The following CPEB3 variants were observed in gnomAD, a reference collection of about 807,000 sequenced individuals.
The protein encoded by CPEB3 is cytoplasmic polyadenylation element binding protein 3, also known as cytoplasmic polyadenylation element-binding protein 3.
In CPEB3, 20 loss-of-function variants were observed where a neutral mutation model predicts 67.2. The ratio of observed to expected loss-of-function variants is 0.30; its 90% CI spans 0.21 to 0.43. The LOEUF (loss-of-function observed/expected upper bound fraction) is 0.43. Ranked by LOEUF, CPEB3 falls within the 20% of genes least tolerant of loss-of-function variation. The pLI is 1.00. For synonymous variants in CPEB3, 376 were observed against 393.1 expected (o/e 0.96, Z 0.51); for missense variants, 746 against 968.6 (o/e 0.77, Z 3.05).
chr10:92,146,757 C>G (rs1353811352), intron 4 of CPEB3, among the ~76,000 whole-genome samples: 1 of 152,170 alleles, frequency 6.6e-6, no homozygotes, highest in Non-Finnish European at 1.5e-5. Context: ...TCATCTCATG[C>G]CACCCATCTT....
chr10:92,064,978 A>G (rs1222457064), intron 9 of CPEB3, among the ~76,000 whole-genome samples: 3 of 152,202 alleles, frequency 2.0e-5, no homozygotes, highest in Non-Finnish European at 2.9e-5. Flanking sequence ...GAGAAATCAG[A>G]CCATACAAAG....
intron 8 of CPEB3, among the ~76,000 whole-genome samples, chr10:92,089,038 A>G (rs1361155389): frequency 6.6e-6 from 1 of 152,196 alleles, no homozygotes; most frequent in Non-Finnish European, 1.5e-5. Context: ...TGGGATATTC[A>G]GTTTTGCATG....
intron 6 of CPEB3, among the ~76,000 whole-genome samples, chr10:92,138,725 G>A (rs915404172): frequency 5.3e-5 from 8 of 152,104 alleles, no homozygotes; most frequent in African/African-American, 1.7e-4. Flanking sequence ...GTGGAGAAAA[G>A]GGAACACTTG....
intron 4 of CPEB3, among the ~76,000 whole-genome samples, chr10:92,145,797 T>C (rs1335511587): frequency 6.6e-6 from 1 of 152,212 alleles, no homozygotes; most frequent in African/African-American, 2.4e-5. Flanking sequence ...AAGTAATCTC[T>C]ATCCACAGAT....
At chr10:92,158,430 A>G (rs1847308816) in intron 4 of CPEB3, among the ~76,000 whole-genome samples, 1 of 152,200 alleles carries the variant, frequency 6.6e-6, no homozygotes, top group Admixed American at 6.5e-5. Context: ...TTACCACCAG[A>G]TAAGAAAAAA....
intron 7 of CPEB3, among the ~76,000 whole-genome samples, chr10:92,110,871 C>A (rs1844702604): frequency 6.6e-6 from 1 of 152,232 alleles, no homozygotes; most frequent in Admixed American, 6.5e-5. Flanking sequence ...TTTGTTTACA[C>A]ACAGTCCCAA....
intron 2 of CPEB3, among the ~76,000 whole-genome samples, chr10:92,207,804 A>T (rs1479850066): frequency 6.6e-6 from 1 of 152,038 alleles, no homozygotes; most frequent in Non-Finnish European, 1.5e-5. Context: ...CAGGAGGCAG[A>T]GGTTGAAGTC....
At chr10:92,114,241 TAA>T (rs1158890874) in intron 6 of CPEB3, among the ~76,000 whole-genome samples, 1 of 152,234 alleles carries the variant, frequency 6.6e-6, no homozygotes, top group Non-Finnish European at 1.5e-5. Context: ...CTTCACCTGC[TAA>T]AACACCTTCT....
At chr10:92,057,652 G>C (rs1842163966) in intron 9 of CPEB3, among the ~76,000 whole-genome samples, 1 of 152,248 alleles carries the variant, frequency 6.6e-6, no homozygotes, top group Non-Finnish European at 1.5e-5. Context: ...GCAAAAGCCA[G>C]TACTGTGCCG....
intron 7 of CPEB3, among the ~76,000 whole-genome samples, chr10:92,097,796 G>C (rs567383526): frequency 6.6e-6 from 1 of 152,220 alleles, no homozygotes; most frequent in East Asian, 1.9e-4. Context: ...AAAAACTATA[G>C]ATTATCTTCT....
intron 3 of CPEB3, 70 bp from the exon 4 acceptor site, chr10:92,181,089 A>T (rs1848437643): frequency 1.2e-5 from 10 of 808,140 alleles, no homozygotes; most frequent in African/African-American, 5.2e-5. Context: ...CTTAAAATAT[A>T]AACATTACAA....
intron 1 of CPEB3, among the ~76,000 whole-genome samples, chr10:92,251,495 G>A (rs985659198): frequency 1.3e-5 from 2 of 151,940 alleles, no homozygotes; most frequent in Non-Finnish European, 2.9e-5. Context: ...AAAAAGTCTA[G>A]AAATAGGTGG....
chr10:92,190,821 A>C (rs779723282), intron 3 of CPEB3, among the ~76,000 whole-genome samples: 35 of 152,022 alleles, frequency 2.3e-4, no homozygotes, highest in Non-Finnish European at 4.3e-4. Context: ...CTAAATGTTT[A>C]TCTCTTTTGA....
chr10:92,094,601 C>T (rs1264372607), intron 7 of CPEB3, among the ~76,000 whole-genome samples: 1 of 126,696 alleles, frequency 7.9e-6, no homozygotes, highest in Admixed American at 8.0e-5. Flanking sequence ...AACTCCCTTT[C>T]AAAAAAAAAA....
intron 1 of CPEB3, among the ~76,000 whole-genome samples, chr10:92,279,715 A>G (rs1842171081): frequency 6.6e-6 from 1 of 152,092 alleles, no homozygotes; most frequent in African/African-American, 2.4e-5. Flanking sequence ...GAAAAAAAAT[A>G]AAAAGCAAAA....
chr10:92,233,143 AAG>A (rs1045876513), intron 2 of CPEB3, among the ~76,000 whole-genome samples: 15 of 152,188 alleles, frequency 9.9e-5, no homozygotes, highest in Non-Finnish European at 2.2e-4. Flanking sequence ...CCAACTAGAG[AAG>A]AGTCTTAAAT....
At chr10:92,192,226 C>T (rs1849013926) in intron 3 of CPEB3, among the ~76,000 whole-genome samples, 1 of 152,158 alleles carries the variant, frequency 6.6e-6, no homozygotes, top group Non-Finnish European at 1.5e-5. Flanking sequence ...ACGCTATTAA[C>T]TCATAATGTG....
At chr10:92,241,715 C>T (rs1279736528) in intron 1 of CPEB3, among the ~76,000 whole-genome samples, 2 of 152,206 alleles carry the variant, frequency 1.3e-5, no homozygotes, top group Middle Eastern at 3.4e-3. Context: ...ACTCAAAACC[C>T]GGAGACTGCC....
At chr10:92,145,299 C>A (rs1846626032) in intron 4 of CPEB3, among the ~76,000 whole-genome samples, 2 of 152,062 alleles carry the variant, frequency 1.3e-5, no homozygotes, top group Non-Finnish European at 2.9e-5. Context: ...TAAGGGTAGG[C>A]ACAGCCTTGG....
Sources: gnomAD v4.1 joint callset for allele counts (sites outside exome capture counted in the v4.1 genomes callset) on GRCh38, gnomAD v4.1.1 for gene constraint, MANE v1.5 for transcripts, NCBI Gene and HGNC (gene_info 2026-07-23, HGNC 2026-07-21) for gene names.